TCF7L2: variants seen among roughly 807,000 people sequenced by gnomAD.
TCF7L2 encodes the protein transcription factor 7-like 2.
Under a neutral mutation model 77.9 loss-of-function variants are expected in TCF7L2, and 23 were observed. The observed-to-expected ratio is 0.30, with a 90% CI of 0.21 to 0.42. The LOEUF (loss-of-function observed/expected upper bound fraction) is 0.42. TCF7L2 is among the 10% of genes least tolerant of loss of function. TCF7L2 has a pLI of 1.00. For missense variants in TCF7L2, 654 were observed against 793.1 expected (o/e 0.82, Z 2.11); for synonymous variants, 413 against 340.2 (o/e 1.21, Z -2.36).
Position 113,066,395 on chromosome 10 carries a change from T to C in TCF7L2, c.552+26269T>C, listed in dbSNP as rs571920339. On this transcript the variant is annotated intron_variant, in intron 5 of 13. Transcript: ENST00000627217. Reference sequence around the variant, plus strand: ...AAAAAAAAAAGTTATGCTTTTAATCTAAAAGCAAATTTTCAGGGAGAAAAA... The same window carrying C: ...AAAAAAAAAAGTTATGCTTTTAATCCAAAAGCAAATTTTCAGGGAGAAAAA... Among the ~76,000 whole-genome samples, 2 of 152,090 alleles carry C rather than the reference T, an allele frequency of 1.3e-5. 1 individual carries two copies. Among genetic ancestry groups the C allele is most frequent in the South Asian group, 4.2e-4 (2 of 4,814 alleles).
At chr10:113,073,129 T>TGAGAGA (rs1555010150) in intron 5 of TCF7L2, among the ~76,000 whole-genome samples, 4 of 123,480 alleles carry the variant, frequency 3.2e-5, no homozygotes, top group Non-Finnish European at 6.7e-5. Context: ...TGTGTGTGTG[T>TGAGAGA]GAGAGAGAGA....
chr10:112,996,747 C>G (rs1364372934), intron 4 of TCF7L2, among the ~76,000 whole-genome samples: 2 of 152,190 alleles, frequency 1.3e-5, no homozygotes, highest in African/African-American at 2.4e-5. Flanking sequence ...AGATGGTTTC[C>G]TTCAACCTCC....
chr10:113,102,472 T>C (rs2061779991), intron 5 of TCF7L2, among the ~76,000 whole-genome samples: 1 of 151,136 alleles, frequency 6.6e-6, no homozygotes. Context: ...TCGCCGAGGC[T>C]GGAGTGCATT....
chr10:113,093,344 A>C (rs2060597109), intron 5 of TCF7L2, among the ~76,000 whole-genome samples: 1 of 152,212 alleles, frequency 6.6e-6, no homozygotes, highest in Non-Finnish European at 1.5e-5. Context: ...ATTGCTGGGA[A>C]TGAAGGGCCA....
intron 5 of TCF7L2, among the ~76,000 whole-genome samples, chr10:113,058,111 G>T (rs1035992350): frequency 6.6e-6 from 1 of 152,198 alleles, no homozygotes; most frequent in African/African-American, 2.4e-5. Context: ...GGGGGAAGAA[G>T]GTGGTGGCTA....
At chr10:113,136,181 T>C (rs1044970842) in intron 5 of TCF7L2, among the ~76,000 whole-genome samples, 3 of 152,132 alleles carry the variant, frequency 2.0e-5, no homozygotes, top group African/African-American at 4.8e-5. Context: ...TTGTGAGGAT[T>C]TCCTAGAATA....
chr10:113,047,216 C>T (rs549526303), intron 5 of TCF7L2, among the ~76,000 whole-genome samples: 2 of 152,160 alleles, frequency 1.3e-5, no homozygotes, highest in East Asian at 3.9e-4. Flanking sequence ...TAGAAAAGAA[C>T]AAAGTGTTAA....
chr10:113,112,371 C>T (rs1343174284), intron 5 of TCF7L2, among the ~76,000 whole-genome samples: 1 of 152,236 alleles, frequency 6.6e-6, no homozygotes, highest in Non-Finnish European at 1.5e-5. Context: ...CGTGCACACG[C>T]ACACTTCTCT....
chr10:113,122,926 G>T (rs916119643), intron 5 of TCF7L2, among the ~76,000 whole-genome samples: 2 of 152,090 alleles, frequency 1.3e-5, no homozygotes, highest in African/African-American at 2.4e-5. Flanking sequence ...AATTAATTTT[G>T]CCATTATAAA....
chr10:112,991,212 C>G (rs2042469887), intron 4 of TCF7L2, among the ~76,000 whole-genome samples: 1 of 152,098 alleles, frequency 6.6e-6, no homozygotes, highest in Non-Finnish European at 1.5e-5. Flanking sequence ...AGGTTGTACC[C>G]CCAGGCTCCT....
At chr10:113,147,376 C>T (rs572787472) in intron 8 of TCF7L2, among the ~76,000 whole-genome samples, 16 of 152,294 alleles carry the variant, frequency 1.1e-4, no homozygotes, top group Non-Finnish European at 2.1e-4. Flanking sequence ...TAGAGAGTTA[C>T]ATTCATTAAG....
intron 5 of TCF7L2, among the ~76,000 whole-genome samples, chr10:113,117,396 T>C (rs372232199): frequency 0.35 from 18,587 of 52,624 alleles, 1,924 homozygotes; most frequent in Non-Finnish European, 0.39. Flanking sequence ...TCTCTCTCTC[T>C]CTCTCTCTCT....
intron 4 of TCF7L2, among the ~76,000 whole-genome samples, chr10:112,984,021 CCTT>C (rs1173105182): frequency 6.6e-6 from 1 of 152,242 alleles, no homozygotes; most frequent in Non-Finnish European, 1.5e-5. Flanking sequence ...TTTCTTTACA[CCTT>C]CTGATTCCAG....
intron 4 of TCF7L2, among the ~76,000 whole-genome samples, chr10:112,997,320 A>T (rs1018735899): frequency 6.2e-4 from 94 of 152,218 alleles, no homozygotes; most frequent in African/African-American, 2.1e-3. Flanking sequence ...GCTTGTCTTG[A>T]TTGGAGCCAT....
intron 5 of TCF7L2, among the ~76,000 whole-genome samples, chr10:113,117,398 T>A (rs1642971): frequency 2.0e-5 from 1 of 50,642 alleles, no homozygotes; most frequent in East Asian, 3.7e-4. Context: ...TCTCTCTCTC[T>A]CTCTCTCTCT....
chr10:112,997,991 C>CA (rs947826868), intron 4 of TCF7L2, among the ~76,000 whole-genome samples: 3 of 149,482 alleles, frequency 2.0e-5, no homozygotes, highest in Non-Finnish European at 4.4e-5. Flanking sequence ...GACAGTAAAA[C>CA]AAAAAACAAA....
intron 8 of TCF7L2, among the ~76,000 whole-genome samples, chr10:113,150,603 T>C (rs1029940323): frequency 3.9e-5 from 6 of 152,208 alleles, no homozygotes; most frequent in African/African-American, 1.4e-4. Context: ...CAACAAAAGA[T>C]TTCACCTTTC....
intron 4 of TCF7L2, among the ~76,000 whole-genome samples, chr10:113,015,427 G>A (rs1407523241): frequency 2.0e-5 from 3 of 151,240 alleles, no homozygotes; most frequent in African/African-American, 7.3e-5. Context: ...CTCCTGCTGG[G>A]CTTTTCCTGC....
intron 4 of TCF7L2, among the ~76,000 whole-genome samples, chr10:112,989,953 C>T (rs1409548051): frequency 2.0e-5 from 3 of 152,116 alleles, no homozygotes; most frequent in Non-Finnish European, 2.9e-5. Flanking sequence ...TTCTTCTCTT[C>T]CCCCTCCTCC....
Sources: gnomAD v4.1 joint callset for allele counts (sites outside exome capture counted in the v4.1 genomes callset) on GRCh38, gnomAD v4.1.1 for gene constraint, MANE v1.5 for transcripts, NCBI Gene and HGNC (gene_info 2026-07-23, HGNC 2026-07-21) for gene names.